Variants in ABCD2 observed in about 807,000 individuals in gnomAD.
The protein encoded by ABCD2 is ATP binding cassette subfamily D member 2.
ABCD2 carries 36 observed loss-of-function variants against 70.9 expected under a neutral mutation model. The ratio of observed to expected loss-of-function variants is 0.51; its 90% CI spans 0.39 to 0.67. The LOEUF is 0.67. Ranked by LOEUF, ABCD2 falls within the 30% of genes least tolerant of loss-of-function variation. The pLI is 0.00. For synonymous variants in ABCD2, 304 were observed against 306.9 expected (o/e 0.99, Z 0.10); for missense variants, 729 against 890.2 (o/e 0.82, Z 2.30).
chr12:39,583,584 A>T (rs948219203), intron 7 of ABCD2, among the ~76,000 whole-genome samples: 8 of 152,144 alleles, frequency 5.3e-5, no homozygotes, highest in Admixed American at 5.2e-4. Flanking sequence ...AACACGTTTC[A>T]TGGGGATTTG....
chr12:39,570,326 T>G (rs1941429116), intron 9 of ABCD2, among the ~76,000 whole-genome samples: 1 of 152,196 alleles, frequency 6.6e-6, no homozygotes, highest in African/African-American at 2.4e-5. Flanking sequence ...CACTACCTGG[T>G]GTCAAAATAT....
chr12:39,539,225 G>A, the ABCD2 span, among the ~76,000 whole-genome samples: 2 of 152,210 alleles, frequency 1.3e-5, no homozygotes, highest in African/African-American at 2.4e-5. Flanking sequence ...GGTGGTGACA[G>A]CAACACTTTC....
At position 39,564,057 on chromosome 12, in the gene ABCD2, T is replaced by TTGCTATTGTG. The variant is rs1277861471; in HGVS notation, c.2003+9649_2003+9658dup. 2.6e-5 allele frequency among the ~76,000 whole-genome samples: 4 copies of TTGCTATTGTG among 152,250 alleles called. No individual in the cohort carries two copies. The East Asian group carries it at 7.7e-4, about 29-fold the overall frequency. ...GGACATTTGGCTTGATTACAAGTCT[T>TTGCTATTGTG]TGCTATTGTGTAGAGTGCCACAATA... On this transcript the variant is annotated intron_variant, in intron 9 of 9. Transcript: ENST00000308666.
intron 9 of ABCD2, among the ~76,000 whole-genome samples, chr12:39,559,609 CAA>C (rs1363866961): frequency 2.0e-5 from 3 of 151,368 alleles, no homozygotes; most frequent in South Asian, 2.1e-4. Flanking sequence ...AAACCAAAGA[CAA>C]AGAGAGAAAC....
At chr12:39,540,561 C>A in the ABCD2 span, among the ~76,000 whole-genome samples, 2 of 152,174 alleles carry the variant, frequency 1.3e-5, no homozygotes, top group Non-Finnish European at 2.9e-5. Context: ...CTTCTAGGCC[C>A]TCCCAATTCT....
In ABCD2 at chr12:39,568,380, C is replaced by A. The variant is rs191494818; in HGVS notation, c.2003+5336G>T. 3.3e-5 allele frequency among the ~76,000 whole-genome samples: 5 copies of A among 152,272 alleles called. No homozygotes were observed. The East Asian group carries it at 9.7e-4, about 29-fold the overall frequency. ...TCTCACTTCATTTCATTCATTTGAT[C>A]TTCCATCACTGATACCCTTTCTTCC... On this transcript the variant is annotated intron_variant, in intron 9 of 9. Transcript: ENST00000308666.
chr12:39,571,326 C>T (rs1260040557), intron 9 of ABCD2, among the ~76,000 whole-genome samples: 2 of 151,994 alleles, frequency 1.3e-5, no homozygotes, highest in African/African-American at 4.8e-5. Flanking sequence ...CCCTAGTGTC[C>T]ATCAATGGAT....
At chr12:39,568,112 GCT>G (rs763188813) in intron 9 of ABCD2, among the ~76,000 whole-genome samples, 33 of 151,932 alleles carry the variant, frequency 2.2e-4, no homozygotes, top group Non-Finnish European at 3.8e-4. Context: ...TCTTGGAGTT[GCT>G]CTTCTTGAGG....
intron 7 of ABCD2, among the ~76,000 whole-genome samples, chr12:39,585,366 T>C (rs1941650916): frequency 6.6e-6 from 1 of 152,154 alleles, no homozygotes; most frequent in African/African-American, 2.4e-5. Context: ...ATGTTGATTT[T>C]GTACACTGCA....
intron 9 of ABCD2, among the ~76,000 whole-genome samples, chr12:39,555,309 GA>G (rs1941146205): frequency 6.6e-6 from 1 of 152,076 alleles, no homozygotes; most frequent in Admixed American, 6.6e-5. Context: ...TTTTGTGACT[GA>G]CTTCTTTTAC....
rs150870164 is a variant in ABCD2, at chr12:39,609,570, T to A, written c.1121-1856A>T. The stretch of plus-strand genomic sequence containing the variant: ...CCAGGTTGTTACTTTAATCTTTTCA[T>A]CAATTTGATTCTCTAGCTGGTCCTT... On this transcript the variant is annotated intron_variant, in intron 2 of 9. Coordinates refer to ENST00000308666, the MANE Select transcript of ABCD2 (RefSeq NM_005164.4). Among the ~76,000 whole-genome samples, 15 of 152,306 alleles carry A rather than the reference T, an allele frequency of 9.8e-5. No homozygotes were observed. The East Asian group carries it at 2.7e-3, about 27-fold the overall frequency.
chr12:39,536,046 C>T, the ABCD2 span, among the ~76,000 whole-genome samples: 4 of 152,094 alleles, frequency 2.6e-5, no homozygotes, highest in South Asian at 4.1e-4. Flanking sequence ...GCCGAGATCG[C>T]GTCACCGCAC....
chr12:39,540,062 T>C, the ABCD2 span, among the ~76,000 whole-genome samples: 1 of 152,224 alleles, frequency 6.6e-6, no homozygotes, highest in African/African-American at 2.4e-5. Flanking sequence ...TCACAGACAG[T>C]TGGTCTGTCA....
rs143601399 is a variant in ABCD2 at position 39,594,761 on chromosome 12, G to T, written c.1646+5810C>A. Among the ~76,000 whole-genome samples, 695 of 152,186 alleles carry T rather than the reference G, an allele frequency of 4.6e-3. 6 individuals are homozygous for T. The highest frequency in any genetic ancestry group is 0.016 in the African/African-American group (663 of 41,548). On this transcript the variant is annotated intron_variant, in intron 6 of 9. Coordinates refer to ENST00000308666, the MANE Select transcript of ABCD2 (RefSeq NM_005164.4). ...GGCCAAGGCGGGTGGATCACTTGAG[G>T]CCAGGAGTTCGAGACCGGCCTGGCC...
intron 8 of ABCD2, 35 bp from the exon 9 acceptor site, chr12:39,573,876 G>C (rs1265021163): frequency 6.3e-7 from 1 of 1,589,050 alleles, no homozygotes. Context: ...TAATTATTTT[G>C]CTATATGAAC....
intron 6 of ABCD2, among the ~76,000 whole-genome samples, chr12:39,588,413 T>C (rs1395352530): frequency 6.6e-6 from 1 of 152,136 alleles, no homozygotes; most frequent in Non-Finnish European, 1.5e-5. Flanking sequence ...TAAATGCTCT[T>C]ATCAAATGAG....
intron 9 of ABCD2, among the ~76,000 whole-genome samples, chr12:39,564,281 C>T (rs1482260080): frequency 6.6e-6 from 1 of 152,200 alleles, no homozygotes; most frequent in African/African-American, 2.4e-5. Flanking sequence ...ACATCCTCTC[C>T]AGCACCTGTT....
the ABCD2 span, among the ~76,000 whole-genome samples, chr12:39,543,264 TGA>T: frequency 6.6e-6 from 1 of 152,208 alleles, no homozygotes; most frequent in African/African-American, 2.4e-5. Context: ...TCTGAGAAGA[TGA>T]GAGAGAGATG....
At chr12:39,571,569 C>T (rs947884231) in intron 9 of ABCD2, among the ~76,000 whole-genome samples, 1 of 152,144 alleles carries the variant, frequency 6.6e-6, no homozygotes, top group Non-Finnish European at 1.5e-5. Context: ...TCACTCTGGT[C>T]TTACAACATT....
Sources: gnomAD v4.1 joint callset for allele counts (sites outside exome capture counted in the v4.1 genomes callset) on GRCh38, gnomAD v4.1.1 for gene constraint, MANE v1.5 for transcripts, NCBI Gene and HGNC (gene_info 2026-07-23, HGNC 2026-07-21) for gene names.